STOX2: variants seen among roughly 807,000 people sequenced by gnomAD.
STOX2 encodes the protein storkhead box 2.
STOX2 carries 28 observed loss-of-function variants against 60.9 expected under a neutral mutation model. The observed-to-expected ratio is 0.46, with a 90% CI of 0.34 to 0.63. STOX2 has a LOEUF of 0.63. Among genes scored for constraint, STOX2 ranks in the 30% least tolerant of loss-of-function variants. The pLI is 0.01. For synonymous variants in STOX2, 472 were observed against 463.9 expected (o/e 1.02, Z -0.22); for missense variants, 1,024 against 1,187.7 (o/e 0.86, Z 2.03).
rs780610873 is a variant in STOX2, at chr4:184,011,257, G to A, written c.2419G>A (p.Glu807Lys). ...CGTAGGCACCATGCAGTGGCTCCTC[G>A]AGCGGGAGAAGGAAAGAGACTTGCA... ...EDVGTMQWLL[E>K]REKERDLQRK... The change falls in exon 3 of 4, where the codon GAG becomes AAG. Residue 807 changes from glutamate (E) to lysine (K), a missense_variant. Physicochemically the swap from Glu to Lys is moderately conservative, Grantham distance 56 (BLOSUM62 1). Coordinates refer to ENST00000308497, the MANE Select transcript of STOX2 (RefSeq NM_020225.3). This position sits in a 1 kb window ranked among gnomAD's most constrained non-coding sequence, Gnocchi z 4.4. 14 of 1,613,412 alleles carry A rather than the reference G, an allele frequency of 8.7e-6. No homozygotes were observed. Among genetic ancestry groups the A allele is most frequent in the South Asian group, 4.4e-5 (4 of 90,978 alleles).
intron 2 of STOX2, among the ~76,000 whole-genome samples, chr4:184,008,612 G>T (rs1365028700): frequency 6.6e-6 from 1 of 152,200 alleles, no homozygotes; most frequent in Non-Finnish European, 1.5e-5. Flanking sequence ...ATAAACAGTA[G>T]TCAAGTCTAG....
At chr4:183,824,932 G>A (rs1386949901) in intron 1 of STOX2, among the ~76,000 whole-genome samples, 1 of 152,200 alleles carries the variant, frequency 6.6e-6, no homozygotes, top group Non-Finnish European at 1.5e-5. Flanking sequence ...GTTCAATTGT[G>A]ACCCTTGCCC....
chr4:184,023,452 G>T lies in STOX2; in HGVS notation c.*6168G>T, dbSNP rs927589949. On this transcript the variant is annotated 3_prime_UTR_variant, in exon 4 of 4. Coordinates refer to ENST00000308497, the MANE Select transcript of STOX2 (RefSeq NM_020225.3). ...CCTATGGTGATACTGTGTTCATGTT[G>T]TTTATGTAGTGTTGTGTGAAATATC... 1 of 152,122 alleles carries T rather than the reference G, an allele frequency of 6.6e-6. No homozygotes were observed. The highest frequency in any genetic ancestry group is 6.5e-5 in the Admixed American group (1 of 15,278). 9.4% of individuals were successfully genotyped at this position (152,122 alleles called of 1,614,324 possible).
chr4:183,841,182 T>TTTA (rs58481827), intron 1 of STOX2, among the ~76,000 whole-genome samples: 5 of 129,362 alleles, frequency 3.9e-5, no homozygotes, highest in African/African-American at 1.6e-4. Context: ...CATCGTAGTA[T>TTTA]TTATTTATTT....
At chr4:183,999,035 C>T (rs1434460062) in intron 1 of STOX2, among the ~76,000 whole-genome samples, 2 of 151,914 alleles carry the variant, frequency 1.3e-5, no homozygotes, top group East Asian at 3.9e-4. Context: ...CAGAGCCAGA[C>T]CCTGTCTCAA....
chr4:184,010,316 C>G lies in STOX2; in HGVS notation c.1478C>G (p.Ser493Trp), dbSNP rs1196283666. 1.2e-6 allele frequency: 2 copies of G among 1,603,590 alleles called. No individual in the cohort carries two copies. Among genetic ancestry groups the G allele is most frequent in the South Asian group, 1.1e-5 (1 of 88,996 alleles). The change falls in exon 3 of 4, where the codon TCG becomes TGG. Residue 493 changes from serine to tryptophan, a missense_variant. Physicochemically the swap from Ser to Trp is radical, Grantham distance 177 (BLOSUM62 -3). Around this residue, in one of 3 missense-constraint regions of STOX2, gnomAD observed 922 missense variants for 1,058.3 expected, o/e 0.87. Transcript: ENST00000308497. The surrounding 1 kb of genome is among the most constrained non-coding windows in gnomAD (Gnocchi z 4.5). ...AACAAAGCCAAGGAGAGATCCAGGT[C>G]GATGGATAACTCCAAAGGCCCTCTG... is the stretch of plus-strand genomic sequence containing the variant. ...RSNKAKERSR[S>W]MDNSKGPLGA... is the part of the protein sequence containing the mutation.
chr4:184,001,600 C>A lies in STOX2; in HGVS notation c.319+123C>A. ...AAAACATTCTTCCCCAAAACTGACC[C>A]GAAGCTTTCCTTACTTCTGTAATTA... is the stretch of plus-strand genomic sequence containing the variant. On this transcript the variant is annotated intron_variant, in intron 2 of 3. Coordinates refer to ENST00000308497, the MANE Select transcript of STOX2 (RefSeq NM_020225.3). This position sits in a 1 kb window ranked among gnomAD's most constrained non-coding sequence, Gnocchi z 4.2. 3 of 893,726 alleles carry A rather than the reference C, an allele frequency of 3.4e-6. No homozygotes were observed. Among genetic ancestry groups the A allele is most frequent in the Non-Finnish European group, 4.7e-6 (3 of 638,968 alleles). 55.4% of individuals were successfully genotyped at this position (893,726 alleles called of 1,614,324 possible).
chr4:183,853,286 G>A (rs1377477617), intron 1 of STOX2: 1 of 152,218 alleles, frequency 6.6e-6, no homozygotes, highest in Admixed American at 6.5e-5. Flanking sequence ...AGTGTTTGGA[G>A]ACTGTGCTGA....
intron 1 of STOX2, among the ~76,000 whole-genome samples, chr4:183,858,106 C>T (rs1560849591): frequency 1.3e-5 from 2 of 152,180 alleles, no homozygotes; most frequent in African/African-American, 2.4e-5. Flanking sequence ...TGGGGAAGTG[C>T]AGGCTCCCTG....
chr4:183,999,401 G>T (rs973376132), intron 1 of STOX2, among the ~76,000 whole-genome samples: 1 of 152,192 alleles, frequency 6.6e-6, no homozygotes, highest in Non-Finnish European at 1.5e-5. Flanking sequence ...GACATTTGTG[G>T]CTTCTAAGCT....
chr4:183,963,934 C>A (rs1177266897), intron 1 of STOX2, among the ~76,000 whole-genome samples: 2 of 151,972 alleles, frequency 1.3e-5, no homozygotes, highest in Non-Finnish European at 2.9e-5. Flanking sequence ...CACCACCACG[C>A]CCGGCTTATT....
rs557778532 is a variant in STOX2 at position 183,975,004 on chromosome 4, C to T, written c.167-26321C>T. The stretch of plus-strand genomic sequence containing the variant: ...AAATAATCAAAAGTAGTTATCTTAC[C>T]ATAATGAGATTTAACTAGAAATCAA... On this transcript the variant is annotated intron_variant, in intron 1 of 3. Coordinates refer to ENST00000308497, the MANE Select transcript of STOX2 (RefSeq NM_020225.3). Among the ~76,000 whole-genome samples the T allele has an allele frequency of 3.9e-5, 6 of 152,060 alleles. No individual in the cohort carries two copies. The East Asian group carries it at 1.2e-3, about 29-fold the overall frequency.
intron 1 of STOX2, among the ~76,000 whole-genome samples, chr4:183,922,506 C>T (rs554820656): frequency 2.6e-5 from 4 of 151,994 alleles, no homozygotes; most frequent in East Asian, 3.9e-4. Context: ...CCACCACGCC[C>T]GGCTAATTTT....
intron 1 of STOX2, among the ~76,000 whole-genome samples, chr4:183,980,540 G>C (rs545116006): frequency 1.2e-4 from 18 of 152,098 alleles, no homozygotes; most frequent in Non-Finnish European, 2.2e-4. Flanking sequence ...ATTGTGGTGT[G>C]CCCCTTCCAA....
At chr4:183,920,653 C>T (rs1431196725) in intron 1 of STOX2, among the ~76,000 whole-genome samples, 1 of 152,170 alleles carries the variant, frequency 6.6e-6, no homozygotes, top group African/African-American at 2.4e-5. Context: ...AATAAAGCCT[C>T]CTAAGATCTG....
At chr4:183,808,119 A>G (rs1455899083) in intron 1 of STOX2, among the ~76,000 whole-genome samples, 1 of 152,250 alleles carries the variant, frequency 6.6e-6, no homozygotes, top group African/African-American at 2.4e-5. Flanking sequence ...TTCTCTGGTC[A>G]ATAAACCAGA....
intron 1 of STOX2, among the ~76,000 whole-genome samples, chr4:183,951,088 C>A (rs931088932): frequency 2.0e-5 from 3 of 151,672 alleles, no homozygotes; most frequent in East Asian, 3.9e-4. Flanking sequence ...TGGTGGCGGG[C>A]GCCTGTAGTC....
At chr4:183,830,422 A>T (rs1194881469) in intron 1 of STOX2, among the ~76,000 whole-genome samples, 1 of 152,204 alleles carries the variant, frequency 6.6e-6, no homozygotes, top group East Asian at 1.9e-4. Flanking sequence ...GGGTGATAAA[A>T]TGCAACTACA....
Position 183,825,052 on chromosome 4 carries a change from G to A in STOX2, c.364+26997G>A, listed in dbSNP as rs1165860004. 6.6e-6 allele frequency among the ~76,000 whole-genome samples: 1 copy of A among 152,182 alleles called. No individual in the cohort carries two copies. The highest frequency in any genetic ancestry group is 2.4e-5 in the African/African-American group (1 of 41,444). On this transcript the variant is annotated intron_variant, in intron 1 of 2. Transcript: ENST00000513034. The surrounding 1 kb of genome is among the most constrained non-coding windows in gnomAD (Gnocchi z 4.1). ...CAATCTTGGGCTTGGGGATCGGGGA[G>A]GAACATGGTGGATAATCCCTGGCTC...
Sources: allele counts gnomAD v4.1 joint callset (sites outside exome capture counted in the v4.1 genomes callset), GRCh38; gene constraint gnomAD v4.1.1; regional missense constraint gnomAD v4.1.1; non-coding constraint Gnocchi (gnomAD v3.1); transcripts MANE v1.5; gene names NCBI Gene and HGNC (gene_info 2026-07-23, HGNC 2026-07-21).